OR9Q1: variants seen among roughly 807,000 people sequenced by gnomAD.
OR9Q1 encodes olfactory receptor family 9 subfamily Q member 1, also known as olfactory receptor 9Q1.
For missense variants in OR9Q1, 374 were observed against 378.8 expected, an observed-to-expected ratio of 0.99 and a Z score of 0.11; for synonymous variants, 153 against 148.6, an observed-to-expected ratio of 1.03 and a Z score of -0.22.
chr11:58,065,377 ACATGCCTTTGACAAAAACTCAGG>A (rs67337052), intron 2 of OR9Q1, among the ~76,000 whole-genome samples: 100,844 of 151,052 alleles, frequency 0.67, 34,139 homozygotes, highest in Middle Eastern at 0.79. Context: ...GACACACAGC[ACATGCCTTTGACAAAAACTCAGG>A]CATGCCTTTG....
chr11:58,067,636 A>T (rs1853442644), intron 2 of OR9Q1, among the ~76,000 whole-genome samples: 1 of 152,222 alleles, frequency 6.6e-6, no homozygotes, highest in Non-Finnish European at 1.5e-5. Flanking sequence ...TTGGGATTGT[A>T]ACAGTGGTAC....
chr11:58,065,961 A>G (rs1853424972), intron 2 of OR9Q1, among the ~76,000 whole-genome samples: 1 of 152,018 alleles, frequency 6.6e-6, no homozygotes, highest in Non-Finnish European at 1.5e-5. Flanking sequence ...CTTCTCACCC[A>G]ACCCCCAAAG....
intron 2 of OR9Q1, among the ~76,000 whole-genome samples, chr11:58,064,190 G>A (rs1853407234): frequency 6.6e-6 from 1 of 152,198 alleles, no homozygotes; most frequent in Non-Finnish European, 1.5e-5. Flanking sequence ...ACACCAACAT[G>A]CGCATACACT....
chr11:58,076,644 T>C (rs1174415116), intron 2 of OR9Q1, among the ~76,000 whole-genome samples: 2 of 152,212 alleles, frequency 1.3e-5, no homozygotes, highest in African/African-American at 4.8e-5. Flanking sequence ...TAGAATAGTT[T>C]TTAATTATTA....
intron 2 of OR9Q1, among the ~76,000 whole-genome samples, chr11:58,116,303 A>G (rs187680400): frequency 6.6e-6 from 1 of 152,330 alleles, no homozygotes; most frequent in African/African-American, 2.4e-5. Flanking sequence ...TATTACAACA[A>G]TGCTTCATGA....
At chr11:58,165,613 G>A (rs1474166540) in intron 2 of OR9Q1, among the ~76,000 whole-genome samples, 3 of 152,096 alleles carry the variant, frequency 2.0e-5, no homozygotes, top group Non-Finnish European at 2.9e-5. Context: ...GTTTCAATAG[G>A]GCAGGATCCA....
intron 2 of OR9Q1, among the ~76,000 whole-genome samples, chr11:58,082,544 A>G (rs1333175736): frequency 1.5e-5 from 2 of 135,008 alleles, no homozygotes; most frequent in Non-Finnish European, 3.1e-5. Flanking sequence ...GGAATTGAAC[A>G]ATGAGAACAC....
intron 2 of OR9Q1, among the ~76,000 whole-genome samples, chr11:58,114,639 C>T (rs956993849): frequency 1.3e-5 from 2 of 152,300 alleles, no homozygotes; most frequent in South Asian, 4.1e-4. Flanking sequence ...CTCTGTTGCT[C>T]TTTGGGGAAT....
rs145080944 is a variant in OR9Q1 at position 58,075,812 on chromosome 11, A to C, written c.-15+19865A>C. ...GATGGCATGGGATGCAGGTAATTGC[A>C]TCCAATGATCATGGGCCAGAATCAG... On this transcript the variant is annotated intron_variant, in intron 2 of 2. Coordinates refer to ENST00000335397, the MANE Select transcript of OR9Q1 (RefSeq NM_001005212.4). 1.3e-3 allele frequency among the ~76,000 whole-genome samples: 195 copies of C among 152,358 alleles called. 1 individual carries two copies. Among genetic ancestry groups the C allele is most frequent in the African/African-American group, 4.5e-3 (186 of 41,588 alleles).
intron 2 of OR9Q1, among the ~76,000 whole-genome samples, chr11:58,080,038 T>C (rs12793317): frequency 0.13 from 19,687 of 152,178 alleles, 1,522 homozygotes; most frequent in South Asian, 0.2. Flanking sequence ...TGTCAACTTT[T>C]ATTTTAGATA....
chr11:58,147,377 C>A (rs1854308783), intron 2 of OR9Q1, among the ~76,000 whole-genome samples: 1 of 152,144 alleles, frequency 6.6e-6, no homozygotes, highest in Non-Finnish European at 1.5e-5. Context: ...TTTCATTAAC[C>A]TCCTACCCTG....
chr11:58,113,972 C>T, intron 2 of OR9Q1, among the ~76,000 whole-genome samples: 1 of 152,074 alleles, frequency 6.6e-6, no homozygotes, highest in East Asian at 1.9e-4. Context: ...GTTAATATTT[C>T]TTCTGTTTCT....
chr11:58,164,741 A>C (rs1004660150), intron 2 of OR9Q1, among the ~76,000 whole-genome samples: 3 of 152,196 alleles, frequency 2.0e-5, no homozygotes, highest in African/African-American at 7.2e-5. Flanking sequence ...TGAGCAAAAA[A>C]TTCTTGCATC....
At chr11:58,072,921 T>C (rs140884232) in intron 2 of OR9Q1, 13 of 159,650 alleles carry the variant, frequency 8.1e-5, no homozygotes, top group African/African-American at 3.1e-4. Flanking sequence ...TGGTCAATCA[T>C]ATTTGTCAAA....
intron 2 of OR9Q1, among the ~76,000 whole-genome samples, chr11:58,147,421 C>A (rs1201342178): frequency 6.6e-6 from 1 of 152,104 alleles, no homozygotes; most frequent in Non-Finnish European, 1.5e-5. Context: ...AAGAAACCAC[C>A]CCTTACTGGG....
chr11:58,138,267 C>T (rs1854207976), intron 2 of OR9Q1, among the ~76,000 whole-genome samples: 2 of 152,174 alleles, frequency 1.3e-5, no homozygotes, highest in African/African-American at 2.4e-5. Flanking sequence ...GCTGGGGCTG[C>T]CTGAGGCTGG....
intron 2 of OR9Q1, among the ~76,000 whole-genome samples, chr11:58,101,608 C>A (rs1002509039): frequency 6.6e-6 from 1 of 152,094 alleles, no homozygotes; most frequent in Non-Finnish European, 1.5e-5. Context: ...ATGATTATTT[C>A]TTTTGCTGTA....
intron 2 of OR9Q1, among the ~76,000 whole-genome samples, chr11:58,100,887 C>A: frequency 6.6e-6 from 1 of 151,814 alleles, no homozygotes; most frequent in East Asian, 1.9e-4. Context: ...AACTGGAGAA[C>A]GTTGTGTCAA....
intron 2 of OR9Q1, among the ~76,000 whole-genome samples, chr11:58,177,119 T>A (rs986878236): frequency 6.6e-6 from 1 of 152,208 alleles, no homozygotes; most frequent in African/African-American, 2.4e-5. Flanking sequence ...TTAAAGGTGA[T>A]CCAATGTCCT....
Sources: allele counts gnomAD v4.1 joint callset (sites outside exome capture counted in the v4.1 genomes callset), GRCh38; gene constraint gnomAD v4.1.1; transcripts MANE v1.5; gene names NCBI Gene and HGNC (gene_info 2026-07-23, HGNC 2026-07-21).